Variants in EPS15 observed in about 807,000 individuals in gnomAD.
EPS15 encodes epidermal growth factor receptor substrate 15.
Under a neutral mutation model 113.8 loss-of-function variants are expected in EPS15, and 72 were observed. The observed-to-expected ratio is 0.63, with a 90% CI of 0.52 to 0.77. EPS15 has a LOEUF of 0.77. EPS15 is among the 30% of genes least tolerant of loss of function. The probability of loss-of-function intolerance (pLI) is 0.00; values close to 1 mark genes in which losing one functional copy is unlikely to be tolerated. For missense variants in EPS15, 1,048 were observed against 1,045.8 expected (o/e 1.00, Z -0.03); for synonymous variants, 344 against 363.4 (o/e 0.95, Z 0.61).
chr1:51,442,924 C>A (rs1652707850), intron 11 of EPS15, among the ~76,000 whole-genome samples: 1 of 151,580 alleles, frequency 6.6e-6, no homozygotes, highest in Non-Finnish European at 1.5e-5. Flanking sequence ...GAAAGGAAAG[C>A]AACATTCAAA....
intron 1 of EPS15, among the ~76,000 whole-genome samples, chr1:51,510,940 A>G (rs1056473001): frequency 6.6e-5 from 10 of 152,080 alleles, no homozygotes; most frequent in Non-Finnish European, 7.4e-5. Flanking sequence ...CTGAGGAGGG[A>G]GGATCACCTG....
intron 21 of EPS15, among the ~76,000 whole-genome samples, chr1:51,389,261 T>C (rs1434792356): frequency 1.3e-5 from 2 of 151,952 alleles, no homozygotes; most frequent in Non-Finnish European, 2.9e-5. Context: ...TTTGACAAAA[T>C]TCAACAACCC....
chr1:51,488,486 A>AAC (rs1553135696), intron 1 of EPS15, among the ~76,000 whole-genome samples: 1 of 150,568 alleles, frequency 6.6e-6, no homozygotes, highest in African/African-American at 2.4e-5. Context: ...AAAAAAAAAA[A>AAC]AAAAAAAAAA....
intron 2 of EPS15, among the ~76,000 whole-genome samples, chr1:51,476,299 G>A (rs546968275): frequency 1.3e-5 from 2 of 152,218 alleles, no homozygotes; most frequent in South Asian, 2.1e-4. Context: ...GGGCAGTATG[G>A]CCATTTTCAT....
intron 1 of EPS15, among the ~76,000 whole-genome samples, chr1:51,495,552 A>T (rs1644311279): frequency 6.6e-6 from 1 of 152,084 alleles, no homozygotes. Context: ...TTTTTCAAAA[A>T]AATCAAGTGT....
rs1301397755 is a variant in EPS15, at chr1:51,461,519, C to CT, written c.502-370dup. Reference sequence around the variant, plus strand: ...TGGGCAACGGAGCTAGACACTGTTTCTTAAAAAAAAAAAAAAAAAAAAAAA... The same window carrying CT: ...TGGGCAACGGAGCTAGACACTGTTTCTTTAAAAAAAAAAAAAAAAAAAAAAA... On this transcript the variant is annotated intron_variant, in intron 7 of 24. Transcript: ENST00000371733. 6.2e-3 allele frequency among the ~76,000 whole-genome samples: 385 copies of CT among 62,544 alleles called. 1 individual carries two copies. Among genetic ancestry groups the CT allele is most frequent in the Non-Finnish European group, 9.6e-3 (319 of 33,292 alleles). 41.0% of individuals were successfully genotyped at this position (62,544 alleles called of 152,430 possible). A position where few individuals can be genotyped will look rare whatever the true frequency, so the allele number is the denominator to read the frequency against.
rs1332875745 is a variant in EPS15, at chr1:51,354,268, G to C, written c.*2432C>G. On this transcript the variant is annotated 3_prime_UTR_variant, in exon 25 of 25. Transcript: ENST00000371733. The stretch of plus-strand genomic sequence containing the variant: ...CACGACATGATAACCAAAAATAATA[G>C]TTTACATTTATTATTTATTCTATAC... 3.4e-5 allele frequency: 6 copies of C among 174,098 alleles called. No homozygotes were observed. The highest frequency in any genetic ancestry group is 6.2e-5 in the Non-Finnish European group (5 of 80,554). 10.8% of individuals were successfully genotyped at this position (174,098 alleles called of 1,614,324 possible). A position where few individuals can be genotyped will look rare whatever the true frequency, so the allele number is the denominator to read the frequency against.
At chr1:51,388,305 G>A (rs535784972) in intron 21 of EPS15, among the ~76,000 whole-genome samples, 4 of 152,132 alleles carry the variant, frequency 2.6e-5, no homozygotes, top group African/African-American at 9.6e-5. Context: ...AGAATCTCTG[G>A]GACACATTCA....
At position 51,440,410 on chromosome 1, in the gene EPS15, A is replaced by G; in HGVS notation, c.977T>C (p.Val326Ala). 6.3e-7 allele frequency: 1 copy of G among 1,586,916 alleles called. No homozygotes were observed. Among genetic ancestry groups the G allele is most frequent in the South Asian group, 1.1e-5 (1 of 89,436 alleles). ...LQKNIIGSSP[V>A]ADFSAIKELD... is the part of the protein sequence containing the mutation. Reference sequence around the variant, plus strand: ...TTCCTTAATAGCAGAGAAATCTGCAACAGGACTTGATCCTATGATGTTCTA... The same window carrying G: ...TTCCTTAATAGCAGAGAAATCTGCAGCAGGACTTGATCCTATGATGTTCTA... The change falls in exon 12 of 25, where the codon GTT becomes GCT. Residue 326 changes from valine (V) to alanine (A), a missense_variant. By Grantham distance (64) the Val-to-Ala change is moderately conservative. Coordinates refer to ENST00000371733, the MANE Select transcript of EPS15 (RefSeq NM_001981.3).
intron 9 of EPS15, among the ~76,000 whole-genome samples, chr1:51,447,368 T>G (rs1012119596): frequency 6.6e-6 from 1 of 152,206 alleles, no homozygotes; most frequent in Non-Finnish European, 1.5e-5. Context: ...AATTCAAACA[T>G]AGTTAACTCT....
At chr1:51,360,977 C>A (rs938158991) in intron 24 of EPS15, among the ~76,000 whole-genome samples, 194 bp downstream of exon 24, 1 of 152,174 alleles carries the variant, frequency 6.6e-6, no homozygotes. Flanking sequence ...CTACTAAAAT[C>A]ATCTGTGCGA....
intron 11 of EPS15, among the ~76,000 whole-genome samples, chr1:51,442,568 T>A (rs1409357850): frequency 6.6e-6 from 1 of 152,116 alleles, no homozygotes; most frequent in African/African-American, 2.4e-5. Flanking sequence ...GCATGTCCCC[T>A]TCTTTCAAAA....
intron 13 of EPS15, among the ~76,000 whole-genome samples, chr1:51,412,276 G>A (rs1280997384): frequency 2.0e-5 from 3 of 152,148 alleles, no homozygotes; most frequent in Non-Finnish European, 4.4e-5. Flanking sequence ...TTAAAACCTA[G>A]ATGATGGGTT....
intron 1 of EPS15, among the ~76,000 whole-genome samples, chr1:51,482,958 A>G (rs1216086886): frequency 6.6e-6 from 1 of 152,244 alleles, no homozygotes; most frequent in Non-Finnish European, 1.5e-5. Flanking sequence ...CCTTATCCAC[A>G]GTTTCACTTT....
At chr1:51,504,327 T>C (rs556788068) in intron 1 of EPS15, among the ~76,000 whole-genome samples, 1 of 152,128 alleles carries the variant, frequency 6.6e-6, no homozygotes, top group Admixed American at 6.5e-5. Context: ...GGAGGATCAC[T>C]TGAGCCCTGG....
chr1:51,408,102 T>C (rs1177527951), intron 15 of EPS15, 33 bp downstream of exon 15: 5 of 1,568,002 alleles, frequency 3.2e-6, no homozygotes, highest in Non-Finnish European at 4.4e-6. Flanking sequence ...AGAGGATCCA[T>C]TTGAATATAT....
At chr1:51,399,520 C>T (rs970923675) in intron 19 of EPS15, among the ~76,000 whole-genome samples, 1 of 150,004 alleles carries the variant, frequency 6.7e-6, no homozygotes, top group African/African-American at 2.5e-5. Flanking sequence ...CACTGCACTC[C>T]AGCCTGGGTG....
chr1:51,421,913 A>T, intron 12 of EPS15, 55 bp from the exon 13 acceptor site: 1 of 1,606,876 alleles, frequency 6.2e-7, no homozygotes, highest in Non-Finnish European at 8.5e-7. Context: ...TACAGCTGGT[A>T]TGGTTATCCA....
At chr1:51,452,047 A>G (rs1033306426) in intron 8 of EPS15, among the ~76,000 whole-genome samples, 1 of 150,984 alleles carries the variant, frequency 6.6e-6, no homozygotes, top group East Asian at 1.9e-4. Flanking sequence ...AAACCCAGCT[A>G]ATTTTTTTTT....
Sources: allele counts gnomAD v4.1 joint callset (sites outside exome capture counted in the v4.1 genomes callset), GRCh38; gene constraint gnomAD v4.1.1; transcripts MANE v1.5; gene names NCBI Gene and HGNC (gene_info 2026-07-23, HGNC 2026-07-21).